The following COL23A1 variants were observed in gnomAD, a reference collection of about 807,000 sequenced individuals.
COL23A1 encodes the protein collagen type XXIII alpha 1 chain.
In COL23A1, 97 loss-of-function variants were observed where a neutral mutation model predicts 99.3. The observed-to-expected ratio is 0.98, with a 90% CI of 0.83 to 1.16. The LOEUF (loss-of-function observed/expected upper bound fraction) is 1.16, where lower values mean the gene tolerates loss of function less well. COL23A1 is among the 50% of genes most tolerant of loss of function. COL23A1 has a pLI of 0.00. For synonymous variants in COL23A1, 320 were observed against 308.2 expected (o/e 1.04, Z -0.40); for missense variants, 762 against 757.4 (o/e 1.01, Z -0.07).
chr5:178,296,523 G>C (rs986777729), intron 3 of COL23A1, among the ~76,000 whole-genome samples: 3 of 152,248 alleles, frequency 2.0e-5, no homozygotes, highest in Non-Finnish European at 2.9e-5. Flanking sequence ...AGGCACTTTC[G>C]TCCGTGGGAG....
At chr5:178,410,600 C>T (rs1209396574) in intron 2 of COL23A1, among the ~76,000 whole-genome samples, 2 of 152,138 alleles carry the variant, frequency 1.3e-5, no homozygotes, top group Non-Finnish European at 2.9e-5. Context: ...TGAACCTCTA[C>T]CTCACACCAA....
intron 1 of COL23A1, among the ~76,000 whole-genome samples, chr5:178,570,764 G>C (rs900988123): frequency 6.6e-6 from 1 of 152,146 alleles, no homozygotes; most frequent in Non-Finnish European, 1.5e-5. Context: ...GAGGGGGGAC[G>C]CGGGTGGTGC....
chr5:178,376,860 G>A (rs1763096234), intron 2 of COL23A1, among the ~76,000 whole-genome samples: 1 of 152,240 alleles, frequency 6.6e-6, no homozygotes, highest in Non-Finnish European at 1.5e-5. Context: ...TAGCAGGACA[G>A]GAGTGAAAGG....
chr5:178,330,206 G>C (rs556936104), intron 2 of COL23A1, among the ~76,000 whole-genome samples: 35 of 152,324 alleles, frequency 2.3e-4, no homozygotes, highest in African/African-American at 7.7e-4. Flanking sequence ...AGGGTCTCCT[G>C]CCCATTTATG....
intron 2 of COL23A1, among the ~76,000 whole-genome samples, chr5:178,331,891 G>C (rs538570833): frequency 1.3e-5 from 2 of 152,226 alleles, no homozygotes; most frequent in Admixed American, 6.5e-5. Flanking sequence ...CCAGGAGGAA[G>C]GCACGCAAAA....
intron 2 of COL23A1, among the ~76,000 whole-genome samples, chr5:178,491,366 C>T (rs1757925780): frequency 6.6e-6 from 1 of 152,166 alleles, no homozygotes; most frequent in Admixed American, 6.5e-5. Flanking sequence ...AGAAGGACAG[C>T]CCCTCCCACG....
At chr5:178,277,274 G>T (rs764014405) in intron 5 of COL23A1, among the ~76,000 whole-genome samples, 48 of 152,314 alleles carry the variant, frequency 3.2e-4, no homozygotes, top group Non-Finnish European at 5.7e-4. Flanking sequence ...GCTGAGGCAG[G>T]AGGATTGCTT....
At chr5:178,293,780 G>A (rs576525629) in intron 3 of COL23A1, among the ~76,000 whole-genome samples, 1 of 152,174 alleles carries the variant, frequency 6.6e-6, no homozygotes, top group South Asian at 2.1e-4. Context: ...AAGGGTTGTG[G>A]GGGTCAGGAA....
At chr5:178,585,030 G>A (rs755695293) in intron 1 of COL23A1, among the ~76,000 whole-genome samples, 2 of 152,194 alleles carry the variant, frequency 1.3e-5, no homozygotes, top group African/African-American at 2.4e-5. Context: ...CAACCAACGG[G>A]ACTGTGCCAG....
At chr5:178,531,216 A>G (rs1760629407) in intron 2 of COL23A1, among the ~76,000 whole-genome samples, 1 of 152,198 alleles carries the variant, frequency 6.6e-6, no homozygotes, top group African/African-American at 2.4e-5. Flanking sequence ...GTACCACAGC[A>G]GTAGGTAACG....
chr5:178,392,728 T>A (rs1322286030), intron 2 of COL23A1, among the ~76,000 whole-genome samples: 1 of 152,102 alleles, frequency 6.6e-6, no homozygotes, highest in Admixed American at 6.5e-5. Context: ...CTTGCAAATG[T>A]AATAGTGAGA....
chr5:178,463,145 C>G (rs950150316), intron 2 of COL23A1, among the ~76,000 whole-genome samples: 8 of 152,280 alleles, frequency 5.3e-5, no homozygotes, highest in Non-Finnish European at 1.0e-4. Context: ...CACGGATGGG[C>G]TTTTTTGCTC....
At chr5:178,582,705 AAGCAAGG>A (rs1763726321) in intron 1 of COL23A1, among the ~76,000 whole-genome samples, 2 of 152,216 alleles carry the variant, frequency 1.3e-5, no homozygotes, top group South Asian at 4.1e-4. Context: ...CAAAAGCACC[AAGCAAGG>A]CGTGACTACC....
chr5:178,294,524 G>A (rs1012000950), intron 3 of COL23A1, among the ~76,000 whole-genome samples: 1 of 99,174 alleles, frequency 1.0e-5, no homozygotes, highest in Non-Finnish European at 2.1e-5. Flanking sequence ...AATCACTACC[G>A]AGCTCCTTCC....
chr5:178,539,086 G>A (rs1761138532), intron 2 of COL23A1, among the ~76,000 whole-genome samples: 1 of 152,188 alleles, frequency 6.6e-6, no homozygotes, highest in South Asian at 2.1e-4. Flanking sequence ...GGGCTTAGGG[G>A]TTAACGGCTA....
At chr5:178,510,881 C>T (rs1302306546) in intron 2 of COL23A1, among the ~76,000 whole-genome samples, 4 of 151,956 alleles carry the variant, frequency 2.6e-5, no homozygotes, top group East Asian at 1.9e-4. Context: ...CATGCTGAAG[C>T]GTGGCACATC....
intron 3 of COL23A1, among the ~76,000 whole-genome samples, chr5:178,292,331 TG>T (rs1757505575): frequency 6.6e-6 from 1 of 152,230 alleles, no homozygotes; most frequent in African/African-American, 2.4e-5. Context: ...GCCCAGAGCC[TG>T]GCCCCATCTA....
At chr5:178,292,433 C>T (rs963700051) in intron 3 of COL23A1, among the ~76,000 whole-genome samples, 10 of 152,204 alleles carry the variant, frequency 6.6e-5, no homozygotes, top group Admixed American at 2.0e-4. Context: ...GCTGGCAAAG[C>T]CATCCCTTGA....
chr5:178,408,386 A>C (rs541138043), intron 2 of COL23A1, among the ~76,000 whole-genome samples: 41 of 152,250 alleles, frequency 2.7e-4, no homozygotes, highest in Non-Finnish European at 5.4e-4. Flanking sequence ...AGGGAGAAAG[A>C]ACACAGTAAG....
Sources: allele counts gnomAD v4.1 joint callset (sites outside exome capture counted in the v4.1 genomes callset), GRCh38; gene constraint gnomAD v4.1.1; transcripts MANE v1.5; gene names NCBI Gene and HGNC (gene_info 2026-07-23, HGNC 2026-07-21).